The following RIPOR2 variants were observed in gnomAD, a reference collection of about 807,000 sequenced individuals.
RIPOR2 encodes rho family-interacting cell polarization regulator 2.
RIPOR2 carries 39 observed loss-of-function variants against 114.5 expected under a neutral mutation model. The observed-to-expected ratio is 0.34, with a 90% CI of 0.26 to 0.44. The LOEUF (loss-of-function observed/expected upper bound fraction) is 0.44, where lower values mean the gene tolerates loss of function less well. Ranked by LOEUF, RIPOR2 falls within the 20% of genes least tolerant of loss-of-function variation. The probability of loss-of-function intolerance (pLI) is 1.00; values close to 1 mark genes in which losing one functional copy is unlikely to be tolerated. For missense variants in RIPOR2, 1,007 were observed against 1,255.1 expected (o/e 0.80, Z 2.99); for synonymous variants, 445 against 484.4 (o/e 0.92, Z 1.07).
intron 1 of RIPOR2, among the ~76,000 whole-genome samples, chr6:25,035,758 G>A (rs1353424475): frequency 6.6e-6 from 1 of 152,200 alleles, no homozygotes; most frequent in East Asian, 1.9e-4. Flanking sequence ...CTCTCTGCAA[G>A]CAGGGGCCAT....
rs530469839 is a variant in RIPOR2, at chr6:24,995,048, T to C, written c.76+46803A>G. Reference sequence around the variant, plus strand: ...GGGATACTCTAAATCCAGGGAGCCATCTGGTTCTGAGGAAGAAGGGCTGGG... The same window carrying C: ...GGGATACTCTAAATCCAGGGAGCCACCTGGTTCTGAGGAAGAAGGGCTGGG... On this transcript the variant is annotated intron_variant, in intron 1 of 13. Coordinates refer to the RIPOR2 transcript ENST00000510784. Among the ~76,000 whole-genome samples the C allele has an allele frequency of 7.2e-5, 11 of 152,280 alleles. No individual in the cohort carries two copies. In the South Asian group the frequency reaches 2.1e-3, roughly 29 times the overall value.
chr6:25,041,339 TAG>T (rs1342575686), intron 1 of RIPOR2, among the ~76,000 whole-genome samples: 1 of 152,258 alleles, frequency 6.6e-6, no homozygotes, highest in Non-Finnish European at 1.5e-5. Flanking sequence ...CCCTTTTGGT[TAG>T]AGTTCCTGTC....
intron 1 of RIPOR2, among the ~76,000 whole-genome samples, chr6:24,911,337 C>T (rs1581781008): frequency 1.3e-5 from 2 of 152,086 alleles, no homozygotes; most frequent in Admixed American, 6.5e-5. Flanking sequence ...CGCCGGGGAG[C>T]GAGCCCGGTG....
rs1771680225 is a variant in RIPOR2 at position 24,935,220 on chromosome 6, A to T, written c.61+618T>A. ...CTACTTGGGAGGCTGAGGCAGGAGA[A>T]TGACTTGAACCCGGGAGACGGAGGT... On this transcript the variant is annotated intron_variant, in intron 1 of 21. Coordinates refer to ENST00000643898, the MANE Select transcript of RIPOR2 (RefSeq NM_001286445.3). Among the ~76,000 whole-genome samples the T allele has an allele frequency of 2.6e-5, 4 of 151,504 alleles. No homozygotes were observed. The South Asian group carries it at 8.4e-4, about 32-fold the overall frequency.
intron 1 of RIPOR2, among the ~76,000 whole-genome samples, chr6:24,941,589 T>C (rs413203): frequency 0.14 from 20,802 of 152,220 alleles, 1,590 homozygotes; most frequent in East Asian, 0.33. Flanking sequence ...TATTAATACA[T>C]TGTGCTATCA....
At chr6:24,952,186 T>G (rs563283229) in intron 1 of RIPOR2, among the ~76,000 whole-genome samples, 61 of 152,266 alleles carry the variant, frequency 4.0e-4, no homozygotes, top group African/African-American at 9.6e-4. Flanking sequence ...GTTGGCTGGG[T>G]AGGCTGCAAG....
At chr6:25,019,774 C>CAAAAA (rs34107737) in intron 1 of RIPOR2, among the ~76,000 whole-genome samples, 576 of 52,262 alleles carry the variant, frequency 0.011, no homozygotes, top group Middle Eastern at 0.048. Flanking sequence ...GACTCTGTCT[C>CAAAAA]AAAAAAAAAA....
intron 13 of RIPOR2, chr6:24,839,500 C>A: frequency 7.1e-7 from 1 of 1,411,432 alleles, no homozygotes; most frequent in South Asian, 1.3e-5. Flanking sequence ...AGAGGGAAGT[C>A]AGCAGGTTGA....
chr6:24,845,762 A>G (rs905802348), intron 12 of RIPOR2, among the ~76,000 whole-genome samples: 5 of 152,174 alleles, frequency 3.3e-5, no homozygotes, highest in African/African-American at 4.8e-5. Context: ...AAGGGCCCCA[A>G]TGAGGGAGTG....
intron 1 of RIPOR2, among the ~76,000 whole-genome samples, chr6:24,993,297 CCTT>C (rs1268449441): frequency 7.2e-5 from 11 of 152,182 alleles, no homozygotes; most frequent in Admixed American, 3.3e-4. Context: ...GATAGTTAGA[CCTT>C]CTTGTTGAAT....
intron 1 of RIPOR2, among the ~76,000 whole-genome samples, chr6:24,946,519 G>A (rs1197602366): frequency 6.6e-6 from 1 of 152,018 alleles, no homozygotes. Flanking sequence ...TTTGCAGTGA[G>A]CTAAGATCGC....
At chr6:24,873,536 A>G (rs1217084333) in intron 3 of RIPOR2, 108 bp downstream of exon 3, 15 of 1,008,962 alleles carry the variant, frequency 1.5e-5, no homozygotes, top group Non-Finnish European at 2.1e-5. Flanking sequence ...TACAAGAATA[A>G]AATACCTCCT....
intron 1 of RIPOR2, among the ~76,000 whole-genome samples, chr6:24,907,887 A>G (rs1340708332): frequency 1.3e-5 from 2 of 152,142 alleles, no homozygotes; most frequent in Non-Finnish European, 2.9e-5. Context: ...TTACATGACA[A>G]CTGCTTTATG....
chr6:24,818,406 C>T (rs1443967545), intron 20 of RIPOR2, 136 bp downstream of exon 20: 7 of 488,834 alleles, frequency 1.4e-5, no homozygotes, highest in Non-Finnish European at 2.6e-5. Flanking sequence ...AATACTAAAA[C>T]TAACATACGG....
chr6:24,984,460 T>C (rs896117914), intron 1 of RIPOR2, among the ~76,000 whole-genome samples: 15 of 152,138 alleles, frequency 9.9e-5, no homozygotes, highest in Admixed American at 2.6e-4. Flanking sequence ...GACAAATTAC[T>C]CACAATTTTC....
At chr6:24,932,875 C>T (rs899476245) in intron 1 of RIPOR2, among the ~76,000 whole-genome samples, 3 of 152,054 alleles carry the variant, frequency 2.0e-5, no homozygotes, top group Non-Finnish European at 2.9e-5. Flanking sequence ...TGAAAGTATG[C>T]GTGAATCCTA....
intron 8 of RIPOR2, among the ~76,000 whole-genome samples, chr6:24,854,954 G>T (rs773979472): frequency 2.7e-5 from 4 of 150,238 alleles, no homozygotes; most frequent in Non-Finnish European, 5.9e-5. Context: ...TTGAACCTGG[G>T]AGGCGGGGGT....
rs1777304004 is a variant in RIPOR2 at position 25,037,578 on chromosome 6, CTT to C, written c.76+4271_76+4272del. Among the ~76,000 whole-genome samples, 1 of 152,154 alleles carries C rather than the reference CTT, an allele frequency of 6.6e-6. No homozygotes were observed. The highest frequency in any genetic ancestry group is 1.5e-5 in the Non-Finnish European group (1 of 68,032). On this transcript the variant is annotated intron_variant, in intron 1 of 13. Transcript: ENST00000510784. The surrounding 1 kb of genome is among the most constrained non-coding windows in gnomAD (Gnocchi z 4.5). Reference sequence around the variant, plus strand: ...GTGTCTTTGTAGTGACCTTTGGCCTCTTTTAAAATTCAAATATCCCTAAGAAG... The same window carrying C: ...GTGTCTTTGTAGTGACCTTTGGCCTCTTAAAATTCAAATATCCCTAAGAAG...
At chr6:24,931,269 A>G (rs951447475) in intron 1 of RIPOR2, among the ~76,000 whole-genome samples, 1 of 152,162 alleles carries the variant, frequency 6.6e-6, no homozygotes, top group Admixed American at 6.5e-5. Context: ...AAAAATAGGT[A>G]TTTATCCTAA....
Sources: gnomAD v4.1 joint callset for allele counts (sites outside exome capture counted in the v4.1 genomes callset) on GRCh38, gnomAD v4.1.1 for gene constraint, Gnocchi (gnomAD v3.1) non-coding constraint, MANE v1.5 for transcripts, NCBI Gene and HGNC (gene_info 2026-07-23, HGNC 2026-07-21) for gene names.